DHDH: variants seen among roughly 807,000 people sequenced by gnomAD.
The protein encoded by DHDH is dihydrodiol dehydrogenase.
A neutral mutation model predicts 33.2 loss-of-function variants in DHDH; 29 were observed. The observed-to-expected ratio is 0.87, with a 90% CI of 0.65 to 1.19. The LOEUF (loss-of-function observed/expected upper bound fraction) is 1.19, where lower values mean the gene tolerates loss of function less well. DHDH is among the 50% of genes most tolerant of loss of function. DHDH has a pLI of 0.00. For synonymous variants in DHDH, 201 were observed against 187.9 expected, an observed-to-expected ratio of 1.07 and a Z score of -0.57; for missense variants, 431 against 455.0, an observed-to-expected ratio of 0.95 and a Z score of 0.48.
chr19:48,944,586 C>T, intron 6 of DHDH, 79 bp downstream of exon 6: 1 of 1,524,112 alleles, frequency 6.6e-7, no homozygotes, highest in East Asian at 2.3e-5. Context: ...TGTCACCCTG[C>T]TGTTTAGAAC....
intron 2 of DHDH, 112 bp downstream of exon 2, chr19:48,935,223 AT>A (rs1457207158): frequency 2.6e-6 from 2 of 773,224 alleles, no homozygotes; most frequent in Non-Finnish European, 3.8e-6. Flanking sequence ...TTTGGGTTCC[AT>A]AAAGACCTTT....
intron 2 of DHDH, 75 bp from the exon 3 acceptor site, chr19:48,935,957 G>T (rs2037766816): frequency 1.3e-6 from 2 of 1,538,660 alleles, no homozygotes; most frequent in Non-Finnish European, 1.8e-6. Flanking sequence ...CTAGGGCGGG[G>T]CCTCGAAGTT....
rs771210605 is a variant in DHDH, at chr19:48,935,990, G to C, written c.203-42G>C. 9 of 1,559,816 alleles carry C rather than the reference G, an allele frequency of 5.8e-6. No homozygotes were observed. In the South Asian group the frequency reaches 9.4e-5, roughly 16 times the overall value. ...GTTGTGGGCGGAGCTCGGCTGTCTG[G>C]GTGGGCGGGGCTGCTGACCTCTTGA... On this transcript the variant is annotated intron_variant, in intron 2 of 6. Transcript: ENST00000221403.
intron 2 of DHDH, among the ~76,000 whole-genome samples, chr19:48,935,543 C>T (rs1035116782): frequency 2.0e-5 from 3 of 147,164 alleles, no homozygotes; most frequent in African/African-American, 7.6e-5. Flanking sequence ...ATAGGCCGGG[C>T]GCGGTGGCTG....
chr19:48,944,950 T>TA lies in DHDH; in HGVS notation c.*20dup. The TA allele has an allele frequency of 6.2e-7, 1 of 1,606,466 alleles. No individual in the cohort carries two copies. On this transcript the variant is annotated 3_prime_UTR_variant, in exon 7 of 7. Transcript: ENST00000221403. ...AAACGCTGATGTATCCCCGAATAAA[T>TA]AAAGACATCTTACATCTTCGTGGTA...
In DHDH at chr19:48,936,075, G is replaced by A. The variant is rs771284639; in HGVS notation, c.246G>A (p.Ala82=). ...IGTQHPQHKA[A]VMLCLAAGKA... The stretch of plus-strand genomic sequence containing the variant: ...CCCAGCACCCCCAGCACAAGGCGGC[G>A]GTGATGCTGTGCTTGGCGGCGGGCA... The change falls in exon 3 of 7, where the codon GCG becomes GCA. Residue 82 remains alanine, a synonymous_variant. Transcript: ENST00000221403. 1.2e-5 allele frequency: 20 copies of A among 1,610,226 alleles called. No homozygotes were observed. In the East Asian group the frequency reaches 2.9e-4, roughly 23 times the overall value.
chr19:48,944,544 T>TA, intron 6 of DHDH, 37 bp downstream of exon 6: 1 of 1,556,210 alleles, frequency 6.4e-7, no homozygotes, highest in Non-Finnish European at 8.7e-7. Context: ...CCAGGCCTGG[T>TA]AGGGGGATGT....
chr19:48,942,710 T>C, intron 5 of DHDH, 146 bp downstream of exon 5: 1 of 1,374,192 alleles, frequency 7.3e-7, no homozygotes, highest in Non-Finnish European at 9.6e-7. Context: ...AGAGGTGGGT[T>C]CTGGGCCTCT....
intron 5 of DHDH, among the ~76,000 whole-genome samples, chr19:48,943,348 G>T (rs1377031330): frequency 6.6e-6 from 1 of 151,548 alleles, no homozygotes; most frequent in African/African-American, 2.4e-5. Flanking sequence ...TGTTACCAAA[G>T]GTCAGCTTAA....
At position 48,933,698 on chromosome 19, in the gene DHDH, TGCCGAGG is replaced by T. The variant is rs2037733564; in HGVS notation, c.-21_-15del. 2 of 1,612,310 alleles carry T rather than the reference TGCCGAGG, an allele frequency of 1.2e-6. No homozygotes were observed. The highest frequency in any genetic ancestry group is 1.1e-5 in the South Asian group (1 of 91,062). ...AATTCGCGCCTGGAGGGACCGAAGG[TGCCGAGG>T]GCTCCGCATCGCAACCATGGCGCTG... On this transcript the variant is annotated 5_prime_UTR_variant, in exon 1 of 7. Transcript: ENST00000221403.
chr19:48,935,957 G>A, intron 2 of DHDH, 75 bp from the exon 3 acceptor site: 3 of 1,538,776 alleles, frequency 1.9e-6, no homozygotes, highest in Non-Finnish European at 2.6e-6. Flanking sequence ...CTAGGGCGGG[G>A]CCTCGAAGTT....
Position 48,939,670 on chromosome 19 carries a change from G to C in DHDH, c.588G>C (p.Lys196Asn). ...TCTTTGGAGGGCAGAAGCCAGAGAA[G>C]ATTTCTGTCGTGGGAAGGCGTCATG... Reference protein sequence around the residue: ...SMVFGGQKPEKISVVGRRHET... With the variant: ...SMVFGGQKPENISVVGRRHET... Residue 196 changes from lysine (K) to asparagine (N), a missense_variant, in exon 4 of 7, where the codon AAG becomes AAC. By Grantham distance (94) the Lys-to-Asn change is moderately conservative. Coordinates refer to ENST00000221403, the MANE Select transcript of DHDH (RefSeq NM_014475.4). The C allele has an allele frequency of 1.9e-6, 3 of 1,605,984 alleles. No homozygotes were observed. Among genetic ancestry groups the C allele is most frequent in the Non-Finnish European group, 2.6e-6 (3 of 1,173,538 alleles).
Position 48,936,194 on chromosome 19 carries a change from A to G in DHDH, c.365A>G (p.Glu122Gly). ...EARSRALFLMEAIWTRFFPAS... is the reference protein window; with the variant it reads ...EARSRALFLMGAIWTRFFPAS... Reference sequence around the variant, plus strand: ...CGATCCCGAGCCCTCTTCCTTATGGAGGTGAGGGCAGAGGAGCCCTTCCAA... The same window carrying G: ...CGATCCCGAGCCCTCTTCCTTATGGGGGTGAGGGCAGAGGAGCCCTTCCAA... The change falls in exon 3 of 7, where the codon GAG (glutamate) becomes GGG (glycine). Residue 122 changes from glutamate (E) to glycine (G), a missense_variant and splice_region_variant. Transcript: ENST00000221403. 6.3e-7 allele frequency: 1 copy of G among 1,585,074 alleles called. No individual in the cohort carries two copies. The highest frequency in any genetic ancestry group is 8.6e-7 in the Non-Finnish European group (1 of 1,167,244).
rs766007519 is a variant in DHDH at position 48,935,052 on chromosome 19, A to G, written c.143A>G (p.Lys48Arg). Residue 48 changes from lysine (K) to arginine (R), a missense_variant, in exon 2 of 7, where the codon AAA (lysine) becomes AGA (arginine). By Grantham distance (26) the Lys-to-Arg change is conservative. Transcript: ENST00000221403. ...AGCCGTGCGAAGGAGTTTGCACAGAAACACGACATCCCCAAGGCCTACGGC... is the reference window on the plus strand; with the variant it reads ...AGCCGTGCGAAGGAGTTTGCACAGAGACACGACATCCCCAAGGCCTACGGC... Reference protein sequence around the residue: ...DLSRAKEFAQKHDIPKAYGSY... With the variant: ...DLSRAKEFAQRHDIPKAYGSY... 21 of 1,594,050 alleles carry G rather than the reference A, an allele frequency of 1.3e-5. No homozygotes were observed. Among genetic ancestry groups the G allele is most frequent in the Non-Finnish European group, 1.8e-5 (21 of 1,172,066 alleles).
At chr19:48,933,109 C>CA (rs1275264158), upstream of DHDH, among the ~76,000 whole-genome samples, 2 of 152,090 alleles carry the variant, frequency 1.3e-5, no homozygotes, top group African/African-American at 2.4e-5. Flanking sequence ...GTGAGACCTC[C>CA]AAAAAATGAC....
In DHDH at chr19:48,939,518, G is replaced by C. The variant is rs34888386; in HGVS notation, c.436G>C (p.Asp146His). The change falls in exon 4 of 7, where the codon GAC becomes CAC. Residue 146 changes from aspartate (D) to histidine (H), a missense_variant. Coordinates refer to ENST00000221403, the MANE Select transcript of DHDH (RefSeq NM_014475.4). ...RSVLAQGTLG[D>H]LRVARAEFGK... ...TGTTTTGGCCCAGGGAACTCTAGGA[G>C]ACCTCCGGGTGGCTCGGGCAGAATT... The C allele has an allele frequency of 5.0e-4, 802 of 1,614,088 alleles. 4 individuals carry two copies. In the African/African-American group the frequency reaches 9.3e-3, roughly 19 times the overall value.
chr19:48,933,666 G>T (rs766617675), upstream of DHDH: 34 of 1,551,740 alleles, frequency 2.2e-5, no homozygotes, highest in Non-Finnish European at 2.8e-5. Flanking sequence ...CGGGGCGTCA[G>T]GTACTTAATT....
intron 2 of DHDH, 74 bp from the exon 3 acceptor site, chr19:48,935,958 C>A: frequency 6.5e-7 from 1 of 1,538,944 alleles, no homozygotes. Context: ...TAGGGCGGGG[C>A]CTCGAAGTTG....
intron 3 of DHDH, among the ~76,000 whole-genome samples, chr19:48,936,847 G>C (rs999602288): frequency 6.6e-6 from 1 of 151,534 alleles, no homozygotes; most frequent in Non-Finnish European, 1.5e-5. Flanking sequence ...GCAGTGGCGC[G>C]ATCTCGGCTC....
Sources: gnomAD v4.1 joint callset for allele counts (sites outside exome capture counted in the v4.1 genomes callset) on GRCh38, gnomAD v4.1.1 for gene constraint, MANE v1.5 for transcripts, NCBI Gene and HGNC (gene_info 2026-07-23, HGNC 2026-07-21) for gene names.